The following BBS9 variants were observed in gnomAD, a reference collection of about 807,000 sequenced individuals.
BBS9 encodes Bardet-Biedl syndrome 9.
A neutral mutation model predicts 117.7 loss-of-function variants in BBS9; 89 were observed. That is an observed-to-expected ratio of 0.76 (90% confidence interval 0.64 to 0.90). The LOEUF is 0.90. Ranked by LOEUF, BBS9 falls within the 40% of genes least tolerant of loss-of-function variation. BBS9 has a pLI of 0.00. For missense variants in BBS9, 982 were observed against 1,042.2 expected (o/e 0.94, Z 0.80); for synonymous variants, 379 against 370.9 (o/e 1.02, Z -0.25).
At chr7:33,529,359 G>A (rs990097576) in intron 20 of BBS9, among the ~76,000 whole-genome samples, 2 of 152,146 alleles carry the variant, frequency 1.3e-5, no homozygotes, top group Non-Finnish European at 2.9e-5. Flanking sequence ...AAGCTAGGCA[G>A]CTATCTATCA....
At chr7:33,607,624 C>T (rs559486317), downstream of BBS9, among the ~76,000 whole-genome samples, 1 of 152,164 alleles carries the variant, frequency 6.6e-6, no homozygotes, top group African/African-American at 2.4e-5. Flanking sequence ...TTCTTGCACA[C>T]ATTTCTTATT....
At chr7:33,586,586 A>G (rs1055418590) in intron 21 of BBS9, among the ~76,000 whole-genome samples, 1 of 152,062 alleles carries the variant, frequency 6.6e-6, no homozygotes, top group African/African-American at 2.4e-5. Flanking sequence ...CCAAAGACAC[A>G]TGTACTTGTA....
chr7:33,376,817 A>G (rs1374555715), intron 17 of BBS9, among the ~76,000 whole-genome samples: 1 of 152,042 alleles, frequency 6.6e-6, no homozygotes, highest in East Asian at 1.9e-4. Context: ...GTATTATTTC[A>G]TGTGCTTGTT....
chr7:33,463,621 C>G (rs1221416403), intron 19 of BBS9, among the ~76,000 whole-genome samples: 1 of 152,070 alleles, frequency 6.6e-6, no homozygotes, highest in Non-Finnish European at 1.5e-5. Flanking sequence ...TTCCTCTACA[C>G]TGGAACAAGT....
intron 21 of BBS9, among the ~76,000 whole-genome samples, chr7:33,616,519 A>ATATAT (rs1585483620): frequency 6.8e-6 from 1 of 147,796 alleles, no homozygotes; most frequent in African/African-American, 2.5e-5. Flanking sequence ...ATATATATAG[A>ATATAT]AAGGATAGAG....
intron 7 of BBS9, among the ~76,000 whole-genome samples, chr7:33,270,894 C>T (rs1378938838): frequency 1.3e-5 from 2 of 151,970 alleles, no homozygotes; most frequent in Admixed American, 1.3e-4. Context: ...AAGATCATCC[C>T]CAAGACACAT....
chr7:33,581,446 G>C (rs1231698442), intron 21 of BBS9, among the ~76,000 whole-genome samples: 1 of 152,074 alleles, frequency 6.6e-6, no homozygotes, highest in Non-Finnish European at 1.5e-5. Flanking sequence ...TTTATAGCCT[G>C]TCTAGCTGTA....
chr7:33,315,155 C>T (rs1313324012), intron 9 of BBS9, among the ~76,000 whole-genome samples: 1 of 152,138 alleles, frequency 6.6e-6, no homozygotes, highest in Admixed American at 6.5e-5. Context: ...AATTTATTCT[C>T]TCACGGTTCT....
At chr7:33,325,812 T>C (rs569107242) in intron 9 of BBS9, among the ~76,000 whole-genome samples, 1 of 152,298 alleles carries the variant, frequency 6.6e-6, no homozygotes, top group East Asian at 1.9e-4. Flanking sequence ...ACTCTTGCTT[T>C]CTTCCCTTAC....
At chr7:33,410,581 C>G (rs373712642) in intron 19 of BBS9, among the ~76,000 whole-genome samples, 1 of 152,142 alleles carries the variant, frequency 6.6e-6, no homozygotes, top group East Asian at 1.9e-4. Flanking sequence ...TCTCACCAAC[C>G]CTTCTAGAAA....
At chr7:33,329,434 A>T (rs961311455) in intron 9 of BBS9, among the ~76,000 whole-genome samples, 5 of 152,194 alleles carry the variant, frequency 3.3e-5, no homozygotes, top group African/African-American at 1.2e-4. Context: ...TGTTTTATAC[A>T]TATATATTTA....
In BBS9 at chr7:33,142,645, T is replaced by C. The variant is rs185488840; in HGVS notation, c.-11-3597T>C. On this transcript the variant is annotated intron_variant, in intron 1 of 22. Coordinates refer to ENST00000242067, the MANE Select transcript of BBS9 (RefSeq NM_198428.3). ...ACCATTCTTAATGTTTCTGTGACTA[T>C]TCTAGGTACCTCACATAAGTGGAAT... 2.6e-5 allele frequency among the ~76,000 whole-genome samples: 4 copies of C among 152,338 alleles called. No homozygotes were observed. In the East Asian group the frequency reaches 7.7e-4, roughly 29 times the overall value.
intron 9 of BBS9, among the ~76,000 whole-genome samples, chr7:33,333,932 A>AT (rs1814705908): frequency 1.4e-5 from 2 of 146,850 alleles, no homozygotes; most frequent in Non-Finnish European, 3.1e-5. Flanking sequence ...TTTGCAATTG[A>AT]TTTTTTAAAA....
intron 20 of BBS9, among the ~76,000 whole-genome samples, chr7:33,533,352 G>A (rs773401102): frequency 1.1e-4 from 16 of 152,164 alleles, no homozygotes; most frequent in Admixed American, 2.0e-4. Context: ...GTCATTTACC[G>A]TCACCTGGAC....
At chr7:33,381,907 A>G (rs1825108100) in intron 17 of BBS9, among the ~76,000 whole-genome samples, 1 of 152,190 alleles carries the variant, frequency 6.6e-6, no homozygotes, top group Non-Finnish European at 1.5e-5. Flanking sequence ...CTGGATGGAG[A>G]TGACAAATTG....
chr7:33,168,048 A>G (rs1795967380), intron 4 of BBS9, among the ~76,000 whole-genome samples: 1 of 152,184 alleles, frequency 6.6e-6, no homozygotes, highest in Non-Finnish European at 1.5e-5. Context: ...TTAATAACAT[A>G]TTCATTAAAA....
At chr7:33,541,367 C>T (rs1395206250) in intron 21 of BBS9, among the ~76,000 whole-genome samples, 1 of 152,120 alleles carries the variant, frequency 6.6e-6, no homozygotes, top group Non-Finnish European at 1.5e-5. Flanking sequence ...CTTTTCATGG[C>T]CCACACTGCT....
At chr7:33,612,654 A>G (rs557746138) in intron 21 of BBS9, among the ~76,000 whole-genome samples, 1 of 151,890 alleles carries the variant, frequency 6.6e-6, no homozygotes, top group African/African-American at 2.4e-5. Context: ...CTTATCTTCT[A>G]TTGTGTAGTC....
intron 21 of BBS9, among the ~76,000 whole-genome samples, chr7:33,579,944 A>G (rs1471776057): frequency 3.3e-5 from 5 of 152,214 alleles, no homozygotes; most frequent in Non-Finnish European, 4.4e-5. Context: ...TCATTACTCA[A>G]TTGGAACACC....
Sources: allele counts gnomAD v4.1 joint callset (sites outside exome capture counted in the v4.1 genomes callset), GRCh38; gene constraint gnomAD v4.1.1; transcripts MANE v1.5; gene names NCBI Gene and HGNC (gene_info 2026-07-23, HGNC 2026-07-21).